Variants in PAG1 observed in about 807,000 individuals in gnomAD.
PAG1 encodes the protein phosphoprotein membrane anchor with glycosphingolipid microdomains 1.
PAG1 carries 23 observed loss-of-function variants against 31.7 expected under a neutral mutation model. That is an observed-to-expected ratio of 0.73 (90% CI 0.52 to 1.03). The LOEUF (loss-of-function observed/expected upper bound fraction) is 1.03, where lower values mean the gene tolerates loss of function less well. Ranked by LOEUF, PAG1 falls within the 50% of genes least tolerant of loss-of-function variation. The pLI is 0.00. For missense variants in PAG1, 473 were observed against 540.7 expected, an observed-to-expected ratio of 0.87 and a Z score of 1.24; for synonymous variants, 214 against 210.3, an observed-to-expected ratio of 1.02 and a Z score of -0.15.
chr8:81,085,969 CTTGT>C (rs1809344908), intron 1 of PAG1, among the ~76,000 whole-genome samples: 3 of 79,038 alleles, frequency 3.8e-5, no homozygotes, highest in African/African-American at 1.2e-4. Flanking sequence ...TTTAATCTGG[CTTGT>C]TTTTTTTTTT....
rs148561597 is a variant in PAG1, at chr8:81,014,098, T to C, written c.-81+15898A>G. ...CTCAGATTTTGGGCTTACAACTTTG[T>C]ACATAACTTCTAGTTTGGCAAACAA... is the stretch of plus-strand genomic sequence containing the variant. On this transcript the variant is annotated intron_variant, in intron 3 of 8. Transcript: ENST00000220597. Among the ~76,000 whole-genome samples, 354 of 152,314 alleles carry C rather than the reference T, an allele frequency of 2.3e-3. 1 individual carries two copies. The highest frequency in any genetic ancestry group is 8.0e-3 in the African/African-American group (333 of 41,562).
At chr8:81,058,510 T>C (rs1808864617) in intron 2 of PAG1, 1 of 152,320 alleles carries the variant, frequency 6.6e-6, no homozygotes, top group South Asian at 2.1e-4. Flanking sequence ...GGCAGGAGGA[T>C]CGCTTGAGCC....
chr8:81,087,809 T>G (rs1809384656), intron 1 of PAG1, among the ~76,000 whole-genome samples: 1 of 152,186 alleles, frequency 6.6e-6, no homozygotes, highest in Non-Finnish European at 1.5e-5. Flanking sequence ...TCACCTGGGC[T>G]GGTCAGGCAC....
intron 3 of PAG1, among the ~76,000 whole-genome samples, chr8:80,999,548 A>G (rs1182705124): frequency 6.6e-6 from 1 of 152,182 alleles, no homozygotes; most frequent in East Asian, 1.9e-4. Flanking sequence ...CTCACTGCTC[A>G]TGGGAGAGAG....
chr8:81,081,049 C>T (rs1809257648), intron 1 of PAG1, among the ~76,000 whole-genome samples: 1 of 152,144 alleles, frequency 6.6e-6, no homozygotes, highest in African/African-American at 2.4e-5. Flanking sequence ...GGCCTCACTA[C>T]TCATCAGGGC....
intron 1 of PAG1, among the ~76,000 whole-genome samples, chr8:81,091,750 C>T (rs567313728): frequency 6.6e-6 from 1 of 151,974 alleles, no homozygotes; most frequent in East Asian, 1.9e-4. Context: ...TCCATGAAAG[C>T]TTCAACAAGC....
intron 1 of PAG1, among the ~76,000 whole-genome samples, chr8:81,095,895 G>C (rs952558837): frequency 6.6e-6 from 1 of 152,180 alleles, no homozygotes; most frequent in African/African-American, 2.4e-5. Flanking sequence ...TTTGCTTTGT[G>C]CAATATCTGT....
chr8:81,091,845 A>T (rs888295765), intron 1 of PAG1, among the ~76,000 whole-genome samples: 3 of 151,760 alleles, frequency 2.0e-5, no homozygotes, highest in African/African-American at 7.3e-5. Context: ...AAGAAGAAGA[A>T]AAAAAAACAC....
chr8:81,057,473 A>C (rs1808844517), intron 2 of PAG1, among the ~76,000 whole-genome samples: 1 of 151,628 alleles, frequency 6.6e-6, no homozygotes, highest in South Asian at 2.1e-4. Context: ...CACAAGGACA[A>C]AAAACCAAAC....
rs182512108 is a variant in PAG1 at position 81,081,803 on chromosome 8, C to T, written c.-233-11633G>A. Among the ~76,000 whole-genome samples, 49 of 152,198 alleles carry T rather than the reference C, an allele frequency of 3.2e-4. 1 individual carries two copies. The East Asian group carries it at 8.7e-3, about 27-fold the overall frequency. On this transcript the variant is annotated intron_variant, in intron 1 of 8. Transcript: ENST00000220597. ...GTAGTATTCCACGATATGGATGTAC[C>T]GGTTTGTTCAGCCACTCATCCATTA...
intron 2 of PAG1, among the ~76,000 whole-genome samples, chr8:81,054,618 G>A (rs1808784320): frequency 6.6e-6 from 1 of 152,044 alleles, no homozygotes; most frequent in South Asian, 2.1e-4. Context: ...GGAGCTTGCA[G>A]TGAGCCAAGG....
At chr8:81,074,995 C>T (rs970324734) in intron 1 of PAG1, among the ~76,000 whole-genome samples, 4 of 152,188 alleles carry the variant, frequency 2.6e-5, no homozygotes, top group African/African-American at 9.7e-5. Flanking sequence ...TCCCAAAGAA[C>T]GCTGCCCCTC....
intron 1 of PAG1, among the ~76,000 whole-genome samples, chr8:81,076,431 C>G (rs1193002832): frequency 6.6e-6 from 1 of 152,188 alleles, no homozygotes; most frequent in Non-Finnish European, 1.5e-5. Flanking sequence ...TTTAATAAGC[C>G]TATGTACACA....
chr8:81,044,953 G>GT, intron 2 of PAG1, among the ~76,000 whole-genome samples: 1 of 152,042 alleles, frequency 6.6e-6, no homozygotes, highest in South Asian at 2.1e-4. Flanking sequence ...GTCCTTGTAA[G>GT]TGCCCCCTAT....
At chr8:81,041,126 C>T (rs1314992247) in intron 2 of PAG1, among the ~76,000 whole-genome samples, 1 of 152,142 alleles carries the variant, frequency 6.6e-6, no homozygotes, top group African/African-American at 2.4e-5. Context: ...AACAAAAACA[C>T]CCCTTGAATC....
intron 2 of PAG1, among the ~76,000 whole-genome samples, chr8:81,042,367 G>A (rs1282356892): frequency 3.9e-5 from 6 of 152,130 alleles, no homozygotes; most frequent in African/African-American, 1.4e-4. Flanking sequence ...CAAAACACTA[G>A]GCATATAAAA....
chr8:81,054,381 G>A (rs891526543), intron 2 of PAG1, among the ~76,000 whole-genome samples: 2 of 152,094 alleles, frequency 1.3e-5, no homozygotes, highest in Admixed American at 6.5e-5. Flanking sequence ...CAGCTAACAC[G>A]AGGCACAGGG....
At position 81,070,117 on chromosome 8, in the gene PAG1, C is replaced by T. The variant is rs898876445; in HGVS notation, c.-180G>A. 6.6e-6 allele frequency: 1 copy of T among 152,140 alleles called. No homozygotes were observed. Among genetic ancestry groups the T allele is most frequent in the Non-Finnish European group, 1.5e-5 (1 of 68,026 alleles). The allele number at this position is 152,140 out of a possible 1,614,324, so 9.4% of individuals were successfully genotyped here. On this transcript the variant is annotated 5_prime_UTR_variant, in exon 2 of 9. Transcript: ENST00000220597. Reference sequence around the variant, plus strand: ...AATAAATACTTTGAAATCACCTTTTCCCAGCAATGAAGTTGTGGCCAACTG... The same window carrying T: ...AATAAATACTTTGAAATCACCTTTTTCCAGCAATGAAGTTGTGGCCAACTG...
chr8:80,994,983 T>G, intron 3 of PAG1, among the ~76,000 whole-genome samples: 1 of 152,222 alleles, frequency 6.6e-6, no homozygotes, highest in East Asian at 1.9e-4. Context: ...TTTTCAGCCA[T>G]CCCTGAGCAC....
Sources: gnomAD v4.1 joint callset for allele counts (sites outside exome capture counted in the v4.1 genomes callset) on GRCh38, gnomAD v4.1.1 for gene constraint, MANE v1.5 for transcripts, NCBI Gene and HGNC (gene_info 2026-07-23, HGNC 2026-07-21) for gene names.